CSMD1: variants seen among roughly 807,000 people sequenced by gnomAD.
The protein encoded by CSMD1 is CUB and Sushi multiple domains 1.
A neutral mutation model predicts 417.5 loss-of-function variants in CSMD1; 213 were observed. The ratio of observed to expected loss-of-function variants is 0.51; its 90% confidence interval spans 0.46 to 0.57. The LOEUF is 0.57. CSMD1 is among the 20% of genes least tolerant of loss of function. The probability of loss-of-function intolerance (pLI) is 0.00; values close to 1 mark genes in which losing one functional copy is unlikely to be tolerated. For synonymous variants in CSMD1, 2,862 were observed against 1,736.8 expected, an observed-to-expected ratio of 1.65 and a Z score of -16.11; for missense variants, 6,923 against 4,529.7, an observed-to-expected ratio of 1.53 and a Z score of -15.17.
chr8:4,451,128 G>C (rs770144948), intron 2 of CSMD1, among the ~76,000 whole-genome samples: 1 of 152,104 alleles, frequency 6.6e-6, no homozygotes, highest in African/African-American at 2.4e-5. Context: ...AAGAGATCCA[G>C]ACTAGCCTGG....
At chr8:4,958,956 G>T (rs1224806571) in intron 1 of CSMD1, among the ~76,000 whole-genome samples, 1 of 152,110 alleles carries the variant, frequency 6.6e-6, no homozygotes, top group Admixed American at 6.6e-5. Context: ...CTTAGGTCTT[G>T]TGAGAATTAC....
intron 5 of CSMD1, among the ~76,000 whole-genome samples, chr8:3,988,070 T>C (rs1183317672): frequency 6.6e-6 from 1 of 152,200 alleles, no homozygotes; most frequent in Non-Finnish European, 1.5e-5. Context: ...CCTAAAAACA[T>C]AGGGAAGCTG....
intron 1 of CSMD1, among the ~76,000 whole-genome samples, chr8:4,992,450 A>G (rs1451588645): frequency 6.6e-6 from 1 of 152,172 alleles, no homozygotes; most frequent in African/African-American, 2.4e-5. Flanking sequence ...GAAAGGAGGA[A>G]GCCCCGGGCC....
chr8:2,963,448 T>C, intron 59 of CSMD1, 53 bp from the exon 60 acceptor site: 2 of 1,569,580 alleles, frequency 1.3e-6, no homozygotes, highest in Non-Finnish European at 1.8e-6. Flanking sequence ...GCTGCAGCGG[T>C]GATGTTCAAA....
chr8:4,173,314 T>G (rs1347713866), intron 3 of CSMD1, among the ~76,000 whole-genome samples: 2 of 152,204 alleles, frequency 1.3e-5, no homozygotes, highest in African/African-American at 4.8e-5. Context: ...GTGGGAAATT[T>G]GTGCTGTATA....
chr8:4,666,742 C>A (rs189702896), intron 1 of CSMD1, among the ~76,000 whole-genome samples: 1 of 152,070 alleles, frequency 6.6e-6, no homozygotes. Context: ...GTTCTTCATA[C>A]AGTCAAGTCC....
chr8:4,843,640 G>A (rs1323076747), intron 1 of CSMD1, among the ~76,000 whole-genome samples: 2 of 152,096 alleles, frequency 1.3e-5, no homozygotes, highest in Admixed American at 6.6e-5. Context: ...AGGGAACTCT[G>A]CCTGAATCTT....
chr8:4,905,644 C>T (rs903408185), intron 1 of CSMD1, among the ~76,000 whole-genome samples: 2 of 151,470 alleles, frequency 1.3e-5, no homozygotes, highest in South Asian at 2.1e-4. Context: ...ACGGTGAAAC[C>T]CCGTCTCTAC....
intron 3 of CSMD1, among the ~76,000 whole-genome samples, chr8:4,267,794 GA>G (rs2128847981): frequency 6.6e-6 from 1 of 152,204 alleles, no homozygotes; most frequent in South Asian, 2.1e-4. Flanking sequence ...ACAATGGTAT[GA>G]AAAGGTACAT....
At chr8:4,177,319 C>G (rs1440118174) in intron 3 of CSMD1, among the ~76,000 whole-genome samples, 1 of 152,012 alleles carries the variant, frequency 6.6e-6, no homozygotes, top group East Asian at 1.9e-4. Flanking sequence ...ACAACCTGCT[C>G]CTGAATGAAT....
chr8:3,432,741 C>G (rs1419760919), intron 12 of CSMD1, among the ~76,000 whole-genome samples: 1 of 152,130 alleles, frequency 6.6e-6, no homozygotes, highest in Non-Finnish European at 1.5e-5. Flanking sequence ...GTCTTGCTCT[C>G]TTGACCTCGT....
intron 6 of CSMD1, among the ~76,000 whole-genome samples, chr8:3,745,875 AATTGCCTGGGG>A (rs2129051681): frequency 3.3e-5 from 5 of 152,322 alleles, no homozygotes; most frequent in African/African-American, 1.2e-4. Flanking sequence ...TCATGTAGGT[AATTGCCTGGGG>A]AGCAGTCACT....
intron 10 of CSMD1, among the ~76,000 whole-genome samples, chr8:3,539,643 C>A (rs149624182): frequency 1.3e-5 from 2 of 152,120 alleles, no homozygotes; most frequent in African/African-American, 4.8e-5. Context: ...CCTCCCCCAT[C>A]CCTCACTGTT....
intron 50 of CSMD1, among the ~76,000 whole-genome samples, chr8:3,048,793 G>C (rs550262289): frequency 1.8e-4 from 27 of 150,598 alleles, no homozygotes; most frequent in Non-Finnish European, 3.7e-4. Flanking sequence ...AAAATGAAAA[G>C]ACCAGCCACA....
At chr8:3,189,209 T>C (rs73183574) in intron 34 of CSMD1, among the ~76,000 whole-genome samples, 198 bp from the exon 35 acceptor site, 1 of 152,254 alleles carries the variant, frequency 6.6e-6, no homozygotes, top group Non-Finnish European at 1.5e-5. Context: ...CCTATTATGC[T>C]ACTCAGTTAT....
intron 5 of CSMD1, among the ~76,000 whole-genome samples, chr8:3,837,384 A>G (rs989710361): frequency 6.6e-6 from 1 of 152,154 alleles, no homozygotes; most frequent in Non-Finnish European, 1.5e-5. Flanking sequence ...GTCTGCAGAA[A>G]ATTGAAGTAG....
At chr8:4,081,701 C>T (rs902318350) in intron 3 of CSMD1, among the ~76,000 whole-genome samples, 1 of 152,128 alleles carries the variant, frequency 6.6e-6, no homozygotes, top group Non-Finnish European at 1.5e-5. Flanking sequence ...CATTTAAATT[C>T]TAAAAAGTAT....
chr8:3,630,953 T>A (rs572069316), intron 7 of CSMD1, among the ~76,000 whole-genome samples: 2 of 152,184 alleles, frequency 1.3e-5, no homozygotes, highest in Non-Finnish European at 2.9e-5. Context: ...TTCCAAGAGA[T>A]GAGACTGAAA....
At chr8:4,893,180 A>C (rs1003758655) in intron 1 of CSMD1, among the ~76,000 whole-genome samples, 1 of 152,088 alleles carries the variant, frequency 6.6e-6, no homozygotes, top group Non-Finnish European at 1.5e-5. Context: ...TGTGATTTTC[A>C]TCAGCTTTAT....
Sources: allele counts gnomAD v4.1 joint callset (sites outside exome capture counted in the v4.1 genomes callset), GRCh38; gene constraint gnomAD v4.1.1; transcripts MANE v1.5; gene names NCBI Gene and HGNC (gene_info 2026-07-23, HGNC 2026-07-21).